Variants in NLRC4 observed in about 807,000 individuals in gnomAD.
NLRC4 encodes the protein NLR family CARD domain-containing protein 4.
NLRC4 carries 63 observed loss-of-function variants against 79.9 expected under a neutral mutation model. The ratio of observed to expected loss-of-function variants is 0.79; its 90% CI spans 0.64 to 0.97. The LOEUF (loss-of-function observed/expected upper bound fraction) is 0.97, where lower values mean the gene tolerates loss of function less well. Ranked by LOEUF, NLRC4 falls within the 50% of genes least tolerant of loss-of-function variation. The pLI, the probability that NLRC4 is intolerant of heterozygous loss-of-function variation, is 0.00. For missense variants in NLRC4, 1,074 were observed against 1,215.2 expected, an observed-to-expected ratio of 0.88 and a Z score of 1.73; for synonymous variants, 461 against 456.5, an observed-to-expected ratio of 1.01 and a Z score of -0.12.
chr2:32,242,587 T>C (rs1001407044), intron 4 of NLRC4, among the ~76,000 whole-genome samples: 3 of 152,200 alleles, frequency 2.0e-5, no homozygotes, highest in Non-Finnish European at 4.4e-5. Context: ...CACATTTTCA[T>C]TTTTTTCCTT....
intron 6 of NLRC4, among the ~76,000 whole-genome samples, chr2:32,236,546 T>G (rs1663608229): frequency 6.6e-6 from 1 of 152,168 alleles, no homozygotes; most frequent in African/African-American, 2.4e-5. Flanking sequence ...GGGCAAATAG[T>G]CATTGGTCCT....
At chr2:32,261,518 G>T in intron 1 of NLRC4, among the ~76,000 whole-genome samples, 1 of 148,508 alleles carries the variant, frequency 6.7e-6, no homozygotes, top group Non-Finnish European at 1.5e-5. Context: ...CACCATGTTG[G>T]CCAGGATGGT....
At position 32,235,552 on chromosome 2, in the gene NLRC4, C is replaced by G. The variant is rs544474213; in HGVS notation, c.2631G>C (p.Val877=). Residue 877 remains valine (V), a synonymous_variant, in exon 8 of 9, where the codon GTG becomes GTC. Transcript: ENST00000402280. ...GCATCAGTGCGGTGAGCTGTTCTAG[C>G]ACGTTCATCCTGTCGACTGGAAGAA... ...ALHELIDRMN[V]LEQLTALMLP... The G allele has an allele frequency of 3.5e-5, 56 of 1,613,848 alleles. No homozygotes were observed. In the East Asian group the frequency reaches 1.2e-3, roughly 35 times the overall value.
intron 2 of NLRC4, among the ~76,000 whole-genome samples, chr2:32,255,429 C>T (rs553934105): frequency 1.0e-4 from 15 of 147,944 alleles, no homozygotes; most frequent in Non-Finnish European, 1.8e-4. Flanking sequence ...CTGAGGCAGG[C>T]GAATCACTTG....
intron 5 of NLRC4, among the ~76,000 whole-genome samples, chr2:32,239,246 A>T (rs1166480414): frequency 6.6e-6 from 1 of 152,178 alleles, no homozygotes; most frequent in African/African-American, 2.4e-5. Context: ...TCACCACTGC[A>T]CTCCAGCCTG....
rs385076 is a variant in NLRC4 at position 32,264,782 on chromosome 2, T to C, written c.-163A>G. On this transcript the variant is annotated 5_prime_UTR_variant, in exon 1 of 9. The change abolishes an upstream ATG in the 5' untranslated region. Coordinates refer to ENST00000402280, the MANE Select transcript of NLRC4 (RefSeq NM_001199138.2). ...GCCCTCTTCTTGGGAGACCAAGACA[T>C]GTTTTTAAAATAAAGTTTCTTTGTA... 97,944 of 152,002 alleles carry C rather than the reference T, an allele frequency of 0.64. 31,954 individuals are homozygous for C. Among genetic ancestry groups the C allele is most frequent in the African/African-American group, 0.7 (29,187 of 41,436 alleles). 9.4% of individuals were successfully genotyped at this position (152,002 alleles called of 1,614,324 possible).
intron 2 of NLRC4, among the ~76,000 whole-genome samples, chr2:32,254,013 G>A (rs1393530496): frequency 6.7e-6 from 1 of 150,184 alleles, no homozygotes; most frequent in Non-Finnish European, 1.5e-5. Flanking sequence ...TTCACAAACT[G>A]GCCCTGGCCC....
In NLRC4 at chr2:32,250,330, CTGCTGCG is replaced by C; in HGVS notation, c.1527_1533del (p.Ala510CysfsTer26). 1 of 1,614,218 alleles carries C rather than the reference CTGCTGCG, an allele frequency of 6.2e-7. No homozygotes were observed. Among genetic ancestry groups the C allele is most frequent in the Non-Finnish European group, 8.5e-7 (1 of 1,180,046 alleles). On this transcript the variant is annotated frameshift_variant, in exon 4 of 9. Coordinates refer to ENST00000402280, the MANE Select transcript of NLRC4 (RefSeq NM_001199138.2). LOFTEE classifies it high-confidence loss of function. The surrounding 1 kb of genome is among the most constrained non-coding windows in gnomAD (Gnocchi z 4.9). ...CCGAGAAGGCAGCCGTGTTGATACACTGCTGCGAGGTGCTTCATAACAGCCCTGGTGG... is the reference window on the plus strand; with the variant it reads ...CCGAGAAGGCAGCCGTGTTGATACACAGGTGCTTCATAACAGCCCTGGTGG...
intron 8 of NLRC4, among the ~76,000 whole-genome samples, chr2:32,227,327 G>C (rs376205994): frequency 1.3e-5 from 2 of 152,200 alleles, no homozygotes; most frequent in South Asian, 4.1e-4. Context: ...TCACAGCGTA[G>C]CCTATGCCCA....
chr2:32,241,646 G>A lies in NLRC4; in HGVS notation c.2258-521C>T, dbSNP rs148589162. Among the ~76,000 whole-genome samples, 1,024 of 152,154 alleles carry A rather than the reference G, an allele frequency of 6.7e-3. 16 individuals are homozygous for A. The highest frequency in any genetic ancestry group is 0.024 in the African/African-American group (988 of 41,526). On this transcript the variant is annotated intron_variant, in intron 4 of 8. Transcript: ENST00000402280. ...GCCTGCCTCGGCCTCCCGAAGTGCT[G>A]GGATTACAGGCGTGAGCCACTGCGC...
intron 1 of NLRC4, among the ~76,000 whole-genome samples, chr2:32,259,777 A>G (rs966027394): frequency 6.6e-6 from 1 of 152,164 alleles, no homozygotes; most frequent in East Asian, 1.9e-4. Context: ...TTTAAACCGT[A>G]AATTAGCCTG....
rs115173686 is a variant in NLRC4, at chr2:32,232,723, A to T, written c.2782+2678T>A. ...TAGGTAGGAAGGCAAGTCAAAATAG[A>T]AAGGGCCTGAAAAATAGGTAGAAGG... On this transcript the variant is annotated intron_variant, in intron 8 of 8. Coordinates refer to ENST00000402280, the MANE Select transcript of NLRC4 (RefSeq NM_001199138.2). Among the ~76,000 whole-genome samples the T allele has an allele frequency of 1.0e-3, 154 of 152,308 alleles. 1 individual carries two copies. Among genetic ancestry groups the T allele is most frequent in the African/African-American group, 3.2e-3 (133 of 41,570 alleles).
intron 4 of NLRC4, among the ~76,000 whole-genome samples, chr2:32,247,751 A>T (rs1218702684): frequency 6.6e-6 from 1 of 152,006 alleles, no homozygotes; most frequent in Non-Finnish European, 1.5e-5. Context: ...CTTTCCCCCA[A>T]CATAGACCTC....
At chr2:32,260,968 G>T (rs1386834225) in intron 1 of NLRC4, among the ~76,000 whole-genome samples, 1 of 151,986 alleles carries the variant, frequency 6.6e-6, no homozygotes, top group African/African-American at 2.4e-5. Flanking sequence ...TGAGGCAGGC[G>T]GATCACAAAG....
chr2:32,234,524 C>T (rs1430335040), intron 8 of NLRC4, among the ~76,000 whole-genome samples: 2 of 152,186 alleles, frequency 1.3e-5, no homozygotes, highest in Non-Finnish European at 2.9e-5. Flanking sequence ...TGATAGCTTC[C>T]AAGTTGAACC....
chr2:32,241,194 T>C, intron 4 of NLRC4, 69 bp from the exon 5 acceptor site: 1 of 914,832 alleles, frequency 1.1e-6, no homozygotes, highest in South Asian at 1.4e-5. Context: ...TTACTATTAC[T>C]GTCATTTTTG....
At chr2:32,239,344 T>A (rs2148935666) in intron 5 of NLRC4, among the ~76,000 whole-genome samples, 1 of 152,200 alleles carries the variant, frequency 6.6e-6, no homozygotes. Context: ...TGCAGAGCTT[T>A]CGGGAAGGTT....
chr2:32,240,976 T>A, intron 5 of NLRC4, 57 bp downstream of exon 5: 1 of 1,087,406 alleles, frequency 9.2e-7, no homozygotes. Flanking sequence ...GAGCCTGAAG[T>A]TAACTCCTCT....
At chr2:32,235,697 T>G in intron 7 of NLRC4, 129 bp from the exon 8 acceptor site, 1 of 749,750 alleles carries the variant, frequency 1.3e-6, no homozygotes, top group Non-Finnish European at 2.1e-6. Context: ...AATGAGAATC[T>G]ACTTAATTTT....
Sources: allele counts gnomAD v4.1 joint callset (sites outside exome capture counted in the v4.1 genomes callset), GRCh38; gene constraint gnomAD v4.1.1; non-coding constraint Gnocchi (gnomAD v3.1); transcripts MANE v1.5; gene names NCBI Gene and HGNC (gene_info 2026-07-23, HGNC 2026-07-21).